PID1: variants seen among roughly 807,000 people sequenced by gnomAD.
PID1 encodes the protein phosphotyrosine interaction domain containing 1, also known as PTB-containing, cubilin and LRP1-interacting protein.
A neutral mutation model predicts 19.1 loss-of-function variants in PID1; 10 were observed. The observed-to-expected ratio is 0.52, with a 90% CI of 0.32 to 0.89. The LOEUF is 0.89. Among genes scored for constraint, PID1 ranks in the 40% least tolerant of loss-of-function variants. The pLI is 0.03. For missense variants in PID1, 248 were observed against 285.3 expected (o/e 0.87, Z 0.94); for synonymous variants, 130 against 116.0 (o/e 1.12, Z -0.78).
At chr2:229,233,319 T>C (rs1402813554) in intron 1 of PID1, among the ~76,000 whole-genome samples, 1 of 152,112 alleles carries the variant, frequency 6.6e-6, no homozygotes, top group African/African-American at 2.4e-5. Flanking sequence ...TATGAGAACA[T>C]TTAGAAGCTA....
intron 2 of PID1, among the ~76,000 whole-genome samples, chr2:229,082,513 T>C (rs1694687697): frequency 1.3e-5 from 2 of 152,172 alleles, no homozygotes; most frequent in Admixed American, 6.5e-5. Flanking sequence ...ATTTTGTTTT[T>C]AAAAACCGAA....
chr2:229,216,851 G>A (rs1691857665), intron 1 of PID1, among the ~76,000 whole-genome samples: 1 of 151,738 alleles, frequency 6.6e-6, no homozygotes, highest in Non-Finnish European at 1.5e-5. Flanking sequence ...TCCTGAAAAA[G>A]GCACTTTAGA....
At position 229,128,474 on chromosome 2, in the gene PID1, G is replaced by A. The variant is rs145389371; in HGVS notation, c.177+27344C>T. Among the ~76,000 whole-genome samples, 99 of 152,156 alleles carry A rather than the reference G, an allele frequency of 6.5e-4. 1 individual carries two copies. The highest frequency in any genetic ancestry group is 2.4e-3 in the African/African-American group (98 of 41,508). ...ACAAATGGACTTATTTATGACTTTTGTTGCTTTGATACGAAAACAAAACTG... is the reference window on the plus strand; with the variant it reads ...ACAAATGGACTTATTTATGACTTTTATTGCTTTGATACGAAAACAAAACTG... On this transcript the variant is annotated intron_variant, in intron 2 of 2. Transcript: ENST00000392055.
intron 1 of PID1, among the ~76,000 whole-genome samples, chr2:229,243,426 C>G (rs1215900155): frequency 2.6e-5 from 4 of 152,030 alleles, no homozygotes; most frequent in Admixed American, 6.6e-5. Flanking sequence ...TTATAATTCC[C>G]CACTCTGCTT....
At chr2:229,151,411 G>A (rs1690248894) in intron 2 of PID1, among the ~76,000 whole-genome samples, 1 of 152,036 alleles carries the variant, frequency 6.6e-6, no homozygotes, top group Non-Finnish European at 1.5e-5. Flanking sequence ...TCTGTGAAAT[G>A]GGGCTACACC....
chr2:229,175,947 C>A (rs772632062), intron 1 of PID1, among the ~76,000 whole-genome samples: 1 of 152,190 alleles, frequency 6.6e-6, no homozygotes, highest in African/African-American at 2.4e-5. Flanking sequence ...ACCATCCCCA[C>A]GGCTGCTGCC....
At chr2:229,254,448 T>G (rs1690239478) in intron 1 of PID1, among the ~76,000 whole-genome samples, 1 of 152,170 alleles carries the variant, frequency 6.6e-6, no homozygotes, top group Admixed American at 6.5e-5. Context: ...AAGAACCACA[T>G]GATAAATTCC....
intron 2 of PID1, among the ~76,000 whole-genome samples, chr2:229,052,137 T>A (rs1694008490): frequency 6.6e-6 from 1 of 152,168 alleles, no homozygotes; most frequent in Admixed American, 6.5e-5. Flanking sequence ...CTAAAGTGAT[T>A]TAACAACGTT....
intron 1 of PID1, among the ~76,000 whole-genome samples, chr2:229,265,762 G>A (rs919911758): frequency 1.3e-5 from 2 of 152,198 alleles, no homozygotes; most frequent in Admixed American, 1.3e-4. Context: ...TACCCTTGAA[G>A]CTGTAAGGCT....
Position 229,246,439 on chromosome 2 carries a change from A to G in PID1, c.30+24575T>C, listed in dbSNP as rs530949963. Among the ~76,000 whole-genome samples, 5 of 152,284 alleles carry G rather than the reference A, an allele frequency of 3.3e-5. No individual in the cohort carries two copies. In the South Asian group the frequency reaches 1.0e-3, roughly 32 times the overall value. ...TATTTCACTACACAGAAACACACAT[A>G]CACATAATTGAAGAGTTAGGCTTCC... On this transcript the variant is annotated intron_variant, in intron 1 of 2. Coordinates refer to ENST00000392055, the MANE Select transcript of PID1 (RefSeq NM_001100818.2).
chr2:229,235,652 G>C (rs1253754864), intron 1 of PID1, among the ~76,000 whole-genome samples: 1 of 152,182 alleles, frequency 6.6e-6, no homozygotes, highest in Admixed American at 6.5e-5. Flanking sequence ...TCACTGACAA[G>C]TATTATCGTT....
chr2:229,245,809 T>TA (rs1280682610), intron 1 of PID1, among the ~76,000 whole-genome samples: 1 of 152,140 alleles, frequency 6.6e-6, no homozygotes, highest in Non-Finnish European at 1.5e-5. Flanking sequence ...AGACAGTACT[T>TA]AGTAGGGCTA....
At chr2:229,055,580 T>A (rs569191326) in intron 2 of PID1, among the ~76,000 whole-genome samples, 1 of 152,234 alleles carries the variant, frequency 6.6e-6, no homozygotes, top group Non-Finnish European at 1.5e-5. Flanking sequence ...TTCCCATTCA[T>A]AAAAGCCCCA....
At chr2:229,101,865 T>C (rs139034364) in intron 2 of PID1, among the ~76,000 whole-genome samples, 40 of 152,312 alleles carry the variant, frequency 2.6e-4, no homozygotes, top group African/African-American at 9.6e-4. Flanking sequence ...ACTAATGTTA[T>C]ATTACATGTT....
At chr2:229,057,886 G>C (rs528286128) in intron 2 of PID1, among the ~76,000 whole-genome samples, 151 of 152,194 alleles carry the variant, frequency 9.9e-4, no homozygotes, top group Non-Finnish European at 1.9e-3. Flanking sequence ...AGGAGCAGAA[G>C]ATACGTAAAA....
At chr2:229,192,508 T>C (rs141815559) in intron 1 of PID1, among the ~76,000 whole-genome samples, 8 of 152,194 alleles carry the variant, frequency 5.3e-5, no homozygotes, top group African/African-American at 1.9e-4. Context: ...AAGAAATTAT[T>C]ATTGAGCTAT....
At chr2:229,258,724 T>C (rs1574764620) in intron 1 of PID1, among the ~76,000 whole-genome samples, 1 of 151,912 alleles carries the variant, frequency 6.6e-6, no homozygotes, top group Non-Finnish European at 1.5e-5. Flanking sequence ...CGGGCCTACG[T>C]AGTGGCGGGC....
chr2:229,202,592 T>C (rs1444000912), intron 1 of PID1, among the ~76,000 whole-genome samples: 1 of 151,992 alleles, frequency 6.6e-6, no homozygotes, highest in Admixed American at 6.6e-5. Context: ...GATTCCACCA[T>C]ACCAGCCTCA....
chr2:229,134,792 G>A (rs1045826942), intron 2 of PID1, among the ~76,000 whole-genome samples: 7 of 152,002 alleles, frequency 4.6e-5, no homozygotes, highest in Non-Finnish European at 8.8e-5. Flanking sequence ...TGACTATATA[G>A]TATTCTTTCC....
Sources: allele counts gnomAD v4.1 joint callset (sites outside exome capture counted in the v4.1 genomes callset), GRCh38; gene constraint gnomAD v4.1.1; transcripts MANE v1.5; gene names NCBI Gene and HGNC (gene_info 2026-07-23, HGNC 2026-07-21).